Variants in NEK5 observed in about 807,000 individuals in gnomAD.
NEK5 encodes serine/threonine-protein kinase Nek5.
In NEK5, 88 loss-of-function variants were observed where a neutral mutation model predicts 109.2. That is an observed-to-expected ratio of 0.81 (90% CI 0.68 to 0.96). NEK5 has a LOEUF of 0.96. Among genes scored for constraint, NEK5 ranks in the 40% least tolerant of loss-of-function variants. NEK5 has a pLI of 0.00. For synonymous variants in NEK5, 283 were observed against 299.9 expected (o/e 0.94, Z 0.58); for missense variants, 834 against 920.7 (o/e 0.91, Z 1.22).
intron 5 of NEK5, among the ~76,000 whole-genome samples, chr13:52,110,852 C>A (rs908410330): frequency 1.1e-4 from 16 of 152,070 alleles, no homozygotes; most frequent in African/African-American, 3.9e-4. Context: ...TAAGTAGAAG[C>A]AAGGGAAAGA....
intron 4 of NEK5, among the ~76,000 whole-genome samples, chr13:52,116,490 C>A (rs150620055): frequency 1.1e-3 from 171 of 152,208 alleles, no homozygotes; most frequent in African/African-American, 3.8e-3. Context: ...ATCCAATTAA[C>A]CCAATTGCAA....
intron 9 of NEK5, among the ~76,000 whole-genome samples, chr13:52,102,709 A>T (rs1955566525): frequency 6.6e-6 from 1 of 152,244 alleles, no homozygotes; most frequent in Non-Finnish European, 1.5e-5. Context: ...AAAATAAAAA[A>T]GAAGCACTGT....
At chr13:52,043,494 A>C (rs763036041) in intron 23 of NEK5, among the ~76,000 whole-genome samples, 66 of 149,682 alleles carry the variant, frequency 4.4e-4, no homozygotes, top group Non-Finnish European at 8.3e-4. Flanking sequence ...CCGAGATCAC[A>C]CCACTGCACT....
At chr13:52,048,773 C>T (rs971742388) in intron 23 of NEK5, among the ~76,000 whole-genome samples, 3 of 152,106 alleles carry the variant, frequency 2.0e-5, no homozygotes, top group Non-Finnish European at 2.9e-5. Context: ...CAAAAACAAT[C>T]GAACTCATAG....
intron 19 of NEK5, among the ~76,000 whole-genome samples, chr13:52,074,376 T>C (rs1273852751): frequency 9.2e-5 from 14 of 152,094 alleles, no homozygotes; most frequent in Admixed American, 9.2e-4. Context: ...AAATAAGCAA[T>C]GGGGAAAGGA....
At chr13:52,042,470 CAA>C (rs35809075) in intron 23 of NEK5, among the ~76,000 whole-genome samples, 9 of 146,030 alleles carry the variant, frequency 6.2e-5, no homozygotes, top group Non-Finnish European at 9.0e-5. Flanking sequence ...TCCACACTTA[CAA>C]AAAAAAAAGT....
At chr13:52,082,340 T>A (rs766569888) in intron 17 of NEK5, 9 of 1,172,978 alleles carry the variant, frequency 7.7e-6, no homozygotes, top group Non-Finnish European at 9.9e-6. Context: ...TAATAATTCT[T>A]AGTATGGGCC....
At chr13:52,084,929 C>T (rs1955108141) in intron 16 of NEK5, among the ~76,000 whole-genome samples, 1 of 152,130 alleles carries the variant, frequency 6.6e-6, no homozygotes, top group South Asian at 2.1e-4. Context: ...AGCTACCGTG[C>T]CCAGCCTAGA....
chr13:52,103,825 G>T (rs942000604), intron 9 of NEK5, among the ~76,000 whole-genome samples: 3 of 152,162 alleles, frequency 2.0e-5, no homozygotes, highest in Admixed American at 2.0e-4. Context: ...GGTGACGTGG[G>T]TAACAATGCT....
chr13:52,126,458 T>C (rs1277797155), intron 3 of NEK5, among the ~76,000 whole-genome samples: 1 of 152,134 alleles, frequency 6.6e-6, no homozygotes, highest in Non-Finnish European at 1.5e-5. Context: ...AGCAAAGTAA[T>C]TGCAGAGCAT....
chr13:52,076,389 C>T (rs568924161), intron 17 of NEK5, among the ~76,000 whole-genome samples: 1 of 152,284 alleles, frequency 6.6e-6, no homozygotes, highest in Admixed American at 6.5e-5. Flanking sequence ...TCCAGTCCAA[C>T]CCAATTCAAT....
intron 22 of NEK5, among the ~76,000 whole-genome samples, chr13:52,053,974 A>G (rs796644441): frequency 2.6e-5 from 4 of 152,374 alleles, no homozygotes; most frequent in African/African-American, 9.6e-5. Context: ...AAAATATATG[A>G]AAGAGCTATA....
intron 22 of NEK5, among the ~76,000 whole-genome samples, chr13:52,052,629 T>G (rs919693477): frequency 1.3e-5 from 2 of 152,190 alleles, no homozygotes; most frequent in African/African-American, 4.8e-5. Context: ...GAGTTTTGCC[T>G]GCTTTTCACA....
At chr13:52,044,054 G>C (rs112454894) in intron 23 of NEK5, among the ~76,000 whole-genome samples, 2 of 152,098 alleles carry the variant, frequency 1.3e-5, no homozygotes, top group Non-Finnish European at 2.9e-5. Context: ...CAATCTATTC[G>C]GCTGCCAGCA....
chr13:52,037,099 C>T lies in NEK5; in HGVS notation c.2348G>A (p.Arg783Lys), dbSNP rs1954366674. 1 of 985,390 alleles carries T rather than the reference C, an allele frequency of 1.0e-6. No homozygotes were observed. Among genetic ancestry groups the T allele is most frequent in the African/African-American group, 1.7e-5 (1 of 57,346 alleles). 61.0% of individuals were successfully genotyped at this position (985,390 alleles called of 1,614,324 possible). A position where few individuals can be genotyped will look rare whatever the true frequency, so the allele number is the denominator to read the frequency against. ...TATCCCCTCTCTTTCTCTTGACTTT[C>T]TAGAGTCCTTAGAGGTACTGGAGGC... ...EEASSTSKDS[R>K]KSREREGISM... Residue 783 changes from arginine (R) to lysine (K), a missense_variant, in exon 24 of 24, where the codon AGA becomes AAA. By Grantham distance (26) the Arg-to-Lys change is conservative. Transcript: ENST00000684899.
At chr13:52,090,192 T>G (rs1566782678) in intron 13 of NEK5, among the ~76,000 whole-genome samples, 1 of 152,192 alleles carries the variant, frequency 6.6e-6, no homozygotes. Context: ...ATTTTCAAGT[T>G]TATACTCACA....
chr13:52,099,611 G>A (rs1445769559), intron 12 of NEK5, 132 bp downstream of exon 12: 13 of 853,528 alleles, frequency 1.5e-5, no homozygotes, highest in African/African-American at 3.4e-5. Context: ...TGGAGTTTGC[G>A]GTGAGCCGAG....
chr13:52,076,653 C>T (rs574261982), intron 17 of NEK5, among the ~76,000 whole-genome samples: 36 of 152,284 alleles, frequency 2.4e-4, no homozygotes, highest in African/African-American at 8.2e-4. Context: ...CTTCTATTCC[C>T]TAATACAAGG....
At chr13:52,120,853 A>G (rs1349196049) in intron 3 of NEK5, among the ~76,000 whole-genome samples, 1 of 151,830 alleles carries the variant, frequency 6.6e-6, no homozygotes, top group East Asian at 1.9e-4. Flanking sequence ...TGGAGGCTGC[A>G]GTAAGCCAAA....
Sources: gnomAD v4.1 joint callset for allele counts (sites outside exome capture counted in the v4.1 genomes callset) on GRCh38, gnomAD v4.1.1 for gene constraint, MANE v1.5 for transcripts, NCBI Gene and HGNC (gene_info 2026-07-23, HGNC 2026-07-21) for gene names.